The following CNTNAP2 variants were observed in gnomAD, a reference collection of about 807,000 sequenced individuals.
CNTNAP2 encodes contactin-associated protein-like 2.
In CNTNAP2, 98 loss-of-function variants were observed where a neutral mutation model predicts 155.2. The ratio of observed to expected loss-of-function variants is 0.63; its 90% CI spans 0.54 to 0.75. The LOEUF (loss-of-function observed/expected upper bound fraction) is 0.75, where lower values mean the gene tolerates loss of function less well. Ranked by LOEUF, CNTNAP2 falls within the 30% of genes least tolerant of loss-of-function variation. CNTNAP2 has a pLI of 0.00. For missense variants in CNTNAP2, 1,727 were observed against 1,688.1 expected (o/e 1.02, Z -0.40); for synonymous variants, 651 against 631.2 (o/e 1.03, Z -0.47).
At chr7:146,635,449 G>A (rs1401031146) in intron 1 of CNTNAP2, among the ~76,000 whole-genome samples, 1 of 152,146 alleles carries the variant, frequency 6.6e-6, no homozygotes, top group African/African-American at 2.4e-5. Context: ...GACATTCTTA[G>A]GTGAGGTACA....
chr7:146,269,691 G>T (rs917921235), intron 1 of CNTNAP2, among the ~76,000 whole-genome samples: 1 of 152,086 alleles, frequency 6.6e-6, no homozygotes, highest in African/African-American at 2.4e-5. Flanking sequence ...AACCGAAAGG[G>T]TAAACATATT....
chr7:146,907,872 C>A (rs890881327), intron 3 of CNTNAP2, among the ~76,000 whole-genome samples: 1 of 152,164 alleles, frequency 6.6e-6, no homozygotes, highest in Non-Finnish European at 1.5e-5. Flanking sequence ...GATAAAGAGT[C>A]AAGACCCATC....
intron 1 of CNTNAP2, among the ~76,000 whole-genome samples, chr7:146,678,493 A>C (rs1167834832): frequency 6.6e-6 from 1 of 152,176 alleles, no homozygotes; most frequent in East Asian, 1.9e-4. Context: ...TTATATTTTT[A>C]ATGTGCCTTA....
At chr7:147,936,159 A>G (rs1800603109) in intron 14 of CNTNAP2, among the ~76,000 whole-genome samples, 1 of 152,212 alleles carries the variant, frequency 6.6e-6, no homozygotes, top group African/African-American at 2.4e-5. Flanking sequence ...GAACCTCTAT[A>G]TTAGCAACTT....
chr7:146,623,099 TCAAA>T (rs1036341483), intron 1 of CNTNAP2, among the ~76,000 whole-genome samples: 30 of 152,256 alleles, frequency 2.0e-4, no homozygotes, highest in African/African-American at 7.2e-4. Context: ...AATAACTTTG[TCAAA>T]CAGAGAACAG....
chr7:146,444,128 G>A (rs1796367229), intron 1 of CNTNAP2, among the ~76,000 whole-genome samples: 1 of 152,076 alleles, frequency 6.6e-6, no homozygotes, highest in Non-Finnish European at 1.5e-5. Flanking sequence ...CGCCTCCTGG[G>A]TTCAAGCAAT....
chr7:147,750,218 C>G (rs963080477), intron 13 of CNTNAP2, among the ~76,000 whole-genome samples: 22 of 152,098 alleles, frequency 1.4e-4, no homozygotes, highest in Admixed American at 1.2e-3. Context: ...ATAGAAAAAC[C>G]TTACCAAGTT....
At chr7:146,553,397 CGG>C (rs1563132331) in intron 1 of CNTNAP2, among the ~76,000 whole-genome samples, 5 of 151,752 alleles carry the variant, frequency 3.3e-5, no homozygotes, top group African/African-American at 1.2e-4. Context: ...TAGTTTCTAT[CGG>C]TACCTTTATT....
intron 13 of CNTNAP2, among the ~76,000 whole-genome samples, chr7:147,854,454 G>A (rs1584992564): frequency 6.6e-6 from 1 of 152,266 alleles, no homozygotes; most frequent in East Asian, 1.9e-4. Context: ...TTTCTCTTGT[G>A]ACATAGGCCC....
At chr7:146,876,453 T>C (rs1193070542) in intron 3 of CNTNAP2, among the ~76,000 whole-genome samples, 1 of 152,152 alleles carries the variant, frequency 6.6e-6, no homozygotes, top group Non-Finnish European at 1.5e-5. Context: ...GCAAAGGAGA[T>C]AAAACTCTAT....
At chr7:146,463,732 A>T (rs1796673703) in intron 1 of CNTNAP2, among the ~76,000 whole-genome samples, 1 of 152,150 alleles carries the variant, frequency 6.6e-6, no homozygotes, top group African/African-American at 2.4e-5. Flanking sequence ...GTGTATATAT[A>T]TAGAGTAACT....
intron 12 of CNTNAP2, among the ~76,000 whole-genome samples, chr7:147,628,868 TA>T (rs60644349): frequency 0.12 from 14,456 of 117,036 alleles, 903 homozygotes; most frequent in African/African-American, 0.2. Context: ...CAACAGCAGT[TA>T]AAAAAAAAAA....
At chr7:147,293,364 T>C (rs1056259415) in intron 8 of CNTNAP2, among the ~76,000 whole-genome samples, 1 of 152,178 alleles carries the variant, frequency 6.6e-6, no homozygotes, top group Admixed American at 6.6e-5. Flanking sequence ...AATGGATCCA[T>C]TTTCTTATGA....
intron 1 of CNTNAP2, among the ~76,000 whole-genome samples, chr7:146,304,492 T>C (rs1486249551): frequency 6.6e-6 from 1 of 152,104 alleles, no homozygotes; most frequent in Non-Finnish European, 1.5e-5. Context: ...CAGTGTTTGT[T>C]TGTCTGTAAA....
At chr7:147,024,753 C>A (rs1001189504) in intron 3 of CNTNAP2, among the ~76,000 whole-genome samples, 1 of 152,052 alleles carries the variant, frequency 6.6e-6, no homozygotes, top group Admixed American at 6.6e-5. Flanking sequence ...AACAAGCATG[C>A]AATTGGAAAC....
chr7:146,352,013 A>G lies in CNTNAP2; in HGVS notation c.97+235040A>G, dbSNP rs563604239. 7.2e-5 allele frequency among the ~76,000 whole-genome samples: 11 copies of G among 152,328 alleles called. No individual in the cohort carries two copies. In the South Asian group the frequency reaches 2.3e-3, roughly 32 times the overall value. ...AAACATAGACATTACATACAGAGGA[A>G]AGAAGACTTCAAGGGTTAAGTACAT... On this transcript the variant is annotated intron_variant, in intron 1 of 23. Coordinates refer to ENST00000361727, the MANE Select transcript of CNTNAP2 (RefSeq NM_014141.6).
At chr7:148,198,908 T>C (rs918461537) in intron 18 of CNTNAP2, among the ~76,000 whole-genome samples, 2 of 152,136 alleles carry the variant, frequency 1.3e-5, no homozygotes, top group Non-Finnish European at 2.9e-5. Flanking sequence ...ATTAGTCTCA[T>C]GTGGGTGCTC....
intron 12 of CNTNAP2, among the ~76,000 whole-genome samples, chr7:147,619,306 T>C (rs1042792902): frequency 6.6e-6 from 1 of 152,232 alleles, no homozygotes; most frequent in Non-Finnish European, 1.5e-5. Context: ...ACACTAAATA[T>C]GGGAATAAGA....
intron 1 of CNTNAP2, among the ~76,000 whole-genome samples, chr7:146,707,246 A>G (rs1396023017): frequency 2.0e-5 from 3 of 152,074 alleles, no homozygotes; most frequent in African/African-American, 7.2e-5. Flanking sequence ...AAGTCACCAC[A>G]ATACTAGCAC....
Sources: allele counts gnomAD v4.1 joint callset (sites outside exome capture counted in the v4.1 genomes callset), GRCh38; gene constraint gnomAD v4.1.1; transcripts MANE v1.5; gene names NCBI Gene and HGNC (gene_info 2026-07-23, HGNC 2026-07-21).